The following NLRP2 variants were observed in gnomAD, a reference collection of about 807,000 sequenced individuals.
NLRP2 encodes NACHT, LRR and PYD domains-containing protein 2.
Under a neutral mutation model 97.2 loss-of-function variants are expected in NLRP2, and 107 were observed. The observed-to-expected ratio is 1.10, with a 90% CI of 0.94 to 1.29. NLRP2 has a LOEUF of 1.29. Among genes scored for constraint, NLRP2 ranks in the 50% most tolerant of loss-of-function variants. The pLI, the probability that NLRP2 is intolerant of heterozygous loss-of-function variation, is 0.00. For missense variants in NLRP2, 1,495 were observed against 1,330.3 expected, an observed-to-expected ratio of 1.12 and a Z score of -1.93; for synonymous variants, 663 against 551.5, an observed-to-expected ratio of 1.20 and a Z score of -2.83.
chr19:54,974,221 G>A (rs768002450), intron 2 of NLRP2: 10 of 584,444 alleles, frequency 1.7e-5, no homozygotes, highest in Non-Finnish European at 3.1e-5. Flanking sequence ...GGGCATGGTG[G>A]TGTATGCCTA....
chr19:54,989,818 C>G, intron 8 of NLRP2: 1 of 620,140 alleles, frequency 1.6e-6, no homozygotes, highest in South Asian at 1.9e-5. Flanking sequence ...ACCCCCACCT[C>G]TACTGAAAAT....
In NLRP2 at chr19:55,001,089, A is replaced by G. The variant is rs2073166566; in HGVS notation, c.*191A>G. The stretch of plus-strand genomic sequence containing the variant: ...TCCTTATCTTTGTTACATATGAAAT[A>G]TCTGTATCACGGGTATATTGAGAGA... On this transcript the variant is annotated 3_prime_UTR_variant, in exon 13 of 13. Coordinates refer to ENST00000448584, the MANE Select transcript of NLRP2 (RefSeq NM_017852.5). The G allele has an allele frequency of 1.7e-6, 1 of 578,344 alleles. No homozygotes were observed. The highest frequency in any genetic ancestry group is 2.9e-5 in the East Asian group (1 of 34,730). The allele number at this position is 578,344 out of a possible 1,614,324, so 35.8% of individuals were successfully genotyped here. A position where few individuals can be genotyped will look rare whatever the true frequency, so the allele number is the denominator to read the frequency against.
chr19:54,997,563 C>T, intron 12 of NLRP2, 76 bp downstream of exon 12: 1 of 1,407,854 alleles, frequency 7.1e-7, no homozygotes, highest in South Asian at 1.1e-5. Flanking sequence ...CATGGACCTG[C>T]TGTAGGAGAC....
intron 12 of NLRP2, among the ~76,000 whole-genome samples, 192 bp from the exon 13 acceptor site, chr19:55,000,568 C>G (rs546921820): frequency 6.7e-6 from 1 of 149,270 alleles, no homozygotes; most frequent in East Asian, 2.0e-4. Context: ...CGTGAGCCAT[C>G]ACGCCCCACC....
In NLRP2 at chr19:54,993,067, A is replaced by G. The variant is rs539491345; in HGVS notation, c.2709-1202A>G. Among the ~76,000 whole-genome samples, 4 of 151,926 alleles carry G rather than the reference A, an allele frequency of 2.6e-5. No individual in the cohort carries two copies. The South Asian group carries it at 8.3e-4, about 32-fold the overall frequency. ...AAACCCTGTCTTTACTAAAAATACA[A>G]AAATTAGCCAGGCGTGGTGTCGGAG... On this transcript the variant is annotated intron_variant, in intron 10 of 12. Transcript: ENST00000448584.
At chr19:54,990,790 C>T in intron 10 of NLRP2, 118 bp downstream of exon 10, 1 of 1,018,290 alleles carries the variant, frequency 9.8e-7, no homozygotes, top group Non-Finnish European at 1.5e-6. Context: ...AAGCATGATG[C>T]TAATGACAAC....
At chr19:54,997,243 G>A in intron 11 of NLRP2, 74 bp from the exon 12 acceptor site, 2 of 1,477,888 alleles carry the variant, frequency 1.4e-6, no homozygotes, top group Non-Finnish European at 1.9e-6. Context: ...CAACACACGA[G>A]GGTGGGCTTG....
intron 2 of NLRP2, among the ~76,000 whole-genome samples, chr19:54,970,770 C>CTTTTTTTTTTTTTTTTTTTTCCTTTTTTT (rs34406686): frequency 3.7e-5 from 4 of 108,442 alleles, no homozygotes; most frequent in Admixed American, 1.9e-4. Context: ...CTACCTACTT[C>CTTTTTTTTTTTTTTTTTTTTCCTTTTTTT]TTTTTTTTTT....
upstream of NLRP2, among the ~76,000 whole-genome samples, chr19:54,965,617 G>A (rs1197520602): frequency 3.7e-4 from 4 of 10,868 alleles, 1 homozygote; most frequent in African/African-American, 1.5e-3. Flanking sequence ...CACCACGCCC[G>A]GCTAATTTTT....
Position 55,000,452 on chromosome 19 carries a change from ATT to A in NLRP2, c.3051-302_3051-301del, listed in dbSNP as rs992973751. Among the ~76,000 whole-genome samples the A allele has an allele frequency of 4.7e-5, 7 of 150,532 alleles. No homozygotes were observed. In the East Asian group the frequency reaches 7.9e-4, roughly 17 times the overall value. ...CCACCACGCCCGGCTAATTTTTTGT[ATT>A]TTTTTAGTAGAGACAGGGTTTCACC... On this transcript the variant is annotated intron_variant, in intron 12 of 12. Coordinates refer to ENST00000448584, the MANE Select transcript of NLRP2 (RefSeq NM_017852.5).
intron 2 of NLRP2, chr19:54,974,071 A>G: frequency 2.0e-6 from 2 of 1,012,886 alleles, no homozygotes; most frequent in Non-Finnish European, 1.5e-6. Context: ...AAAAGATACA[A>G]GCAGCCAAGC....
chr19:54,982,137 C>A, intron 5 of NLRP2, 25 bp from the exon 6 acceptor site: 1 of 1,613,634 alleles, frequency 6.2e-7, no homozygotes. Context: ...ATCCTCTCTC[C>A]CTTCCCTCCT....
chr19:55,000,980 GC>G lies in NLRP2; in HGVS notation c.*86del, dbSNP rs1175740646. 3 of 1,248,902 alleles carry G rather than the reference GC, an allele frequency of 2.4e-6. No individual in the cohort carries two copies. Among genetic ancestry groups the G allele is most frequent in the South Asian group, 2.4e-5 (2 of 83,704 alleles). 77.4% of individuals were successfully genotyped at this position (1,248,902 alleles called of 1,614,324 possible). A position where few individuals can be genotyped will look rare whatever the true frequency, so the allele number is the denominator to read the frequency against. On this transcript the variant is annotated 3_prime_UTR_variant, in exon 13 of 13. Coordinates refer to ENST00000448584, the MANE Select transcript of NLRP2 (RefSeq NM_017852.5). Reference sequence around the variant, plus strand: ...CTGCCTGTGACTCCTCTCCTCCCCGGCCCCTACCCCTCAGGGATAATGAGTT... The same window carrying G: ...CTGCCTGTGACTCCTCTCCTCCCCGGCCCTACCCCTCAGGGATAATGAGTT...
intron 10 of NLRP2, among the ~76,000 whole-genome samples, chr19:54,992,438 A>G (rs1475750971): frequency 6.7e-6 from 1 of 149,842 alleles, no homozygotes. Flanking sequence ...AAGTCCCACA[A>G]GCAGTGAGAT....
At chr19:54,999,476 G>T (rs772801554) in intron 12 of NLRP2, among the ~76,000 whole-genome samples, 2 of 152,124 alleles carry the variant, frequency 1.3e-5, no homozygotes, top group Non-Finnish European at 2.9e-5. Context: ...TGGTACTCCG[G>T]GGTCCACTGA....
intron 8 of NLRP2, among the ~76,000 whole-genome samples, chr19:54,987,749 A>C (rs954872556): frequency 6.8e-6 from 1 of 146,680 alleles, no homozygotes; most frequent in African/African-American, 2.5e-5. Flanking sequence ...CAAAAAAAAA[A>C]AAAAAAATCT....
At chr19:54,974,348 C>CA (rs199842759) in intron 2 of NLRP2, 152 bp from the exon 3 acceptor site, 7,081 of 561,788 alleles carry the variant, frequency 0.013, 3 homozygotes, top group African/African-American at 0.018. Context: ...CACTCTGTCT[C>CA]AAAAAAAAAA....
intron 2 of NLRP2, chr19:54,973,908 A>G (rs2071031807): frequency 1.4e-6 from 1 of 699,984 alleles, no homozygotes; most frequent in Non-Finnish European, 2.6e-6. Context: ...GATTCTTGGT[A>G]TGCCCAGGGG....
rs764556038 is a variant in NLRP2 at position 54,982,315 on chromosome 19, C to T, written c.617C>T (p.Ser206Leu). The change falls in exon 6 of 13, where the codon TCA (serine) becomes TTA (leucine). Residue 206 changes from serine (S) to leucine (L), a missense_variant. Physicochemically the swap from Ser to Leu is moderately radical, Grantham distance 145. Transcript: ENST00000448584. ...CCCAGGGTGCTTCCCGGGCCCTTCTCATACACGGTGGTGCTGTATGGTCCT... is the reference window on the plus strand; with the variant it reads ...CCCAGGGTGCTTCCCGGGCCCTTCTTATACACGGTGGTGCTGTATGGTCCT... ...SNPRVLPGPFSYTVVLYGPAG... is the reference protein window; with the variant it reads ...SNPRVLPGPFLYTVVLYGPAG... The T allele has an allele frequency of 1.9e-6, 3 of 1,614,018 alleles. No individual in the cohort carries two copies. Among genetic ancestry groups the T allele is most frequent in the South Asian group, 1.1e-5 (1 of 91,084 alleles).
Sources: allele counts gnomAD v4.1 joint callset (sites outside exome capture counted in the v4.1 genomes callset), GRCh38; gene constraint gnomAD v4.1.1; transcripts MANE v1.5; gene names NCBI Gene and HGNC (gene_info 2026-07-23, HGNC 2026-07-21).